The following ACVR1B variants were observed in gnomAD, a reference collection of about 807,000 sequenced individuals.
ACVR1B encodes activin receptor type-1B.
A neutral mutation model predicts 55.6 loss-of-function variants in ACVR1B; 15 were observed. The ratio of observed to expected loss-of-function variants is 0.27; its 90% confidence interval spans 0.18 to 0.42. The LOEUF (loss-of-function observed/expected upper bound fraction) is 0.42, where lower values mean the gene tolerates loss of function less well. Ranked by LOEUF, ACVR1B falls within the 10% of genes least tolerant of loss-of-function variation. The probability of loss-of-function intolerance (pLI) is 1.00; values close to 1 mark genes in which losing one functional copy is unlikely to be tolerated. For missense variants in ACVR1B, 359 were observed against 670.1 expected, an observed-to-expected ratio of 0.54 and a Z score of 5.13; for synonymous variants, 247 against 254.6, an observed-to-expected ratio of 0.97 and a Z score of 0.28.
Position 51,992,005 on chromosome 12 carries a change from G to C in ACVR1B, c.1392+12G>C, listed in dbSNP as rs753543689. 8.7e-6 allele frequency: 14 copies of C among 1,614,238 alleles called. No individual in the cohort carries two copies. The South Asian group carries it at 1.4e-4, about 16-fold the overall frequency. On this transcript the variant is annotated intron_variant, in intron 8 of 8. Transcript: ENST00000257963. Reference sequence around the variant, plus strand: ...GGCAGAGTTATGAGGTAAGAAGCTGGCCTCCTGCGGCTTTCCCATCAGCCT... The same window carrying C: ...GGCAGAGTTATGAGGTAAGAAGCTGCCCTCCTGCGGCTTTCCCATCAGCCT...
chr12:51,985,675 A>G (rs1351692882), intron 6 of ACVR1B, among the ~76,000 whole-genome samples: 2 of 152,170 alleles, frequency 1.3e-5, no homozygotes, highest in Non-Finnish European at 2.9e-5. Context: ...AAAGAGGGAA[A>G]ACACTGTCAT....
intron 1 of ACVR1B, among the ~76,000 whole-genome samples, chr12:51,958,369 A>T (rs2120442646): frequency 6.6e-6 from 1 of 152,268 alleles, no homozygotes; most frequent in South Asian, 2.1e-4. Flanking sequence ...TGATTTTGGG[A>T]TGAAACTGTT....
At chr12:51,982,863 G>A in intron 4 of ACVR1B, 1 of 1,422,928 alleles carries the variant, frequency 7.0e-7, no homozygotes, top group East Asian at 2.6e-5. Context: ...AATCTTATAT[G>A]TTTTAAAAGG....
chr12:51,979,007 C>T (rs1941924013), intron 3 of ACVR1B, among the ~76,000 whole-genome samples: 1 of 149,910 alleles, frequency 6.7e-6, no homozygotes, highest in Non-Finnish European at 1.5e-5. Flanking sequence ...CTACTAAATA[C>T]AAAAAATTAG....
chr12:51,971,034 C>T (rs1269748323), intron 1 of ACVR1B, among the ~76,000 whole-genome samples: 1 of 152,036 alleles, frequency 6.6e-6, no homozygotes, highest in Non-Finnish European at 1.5e-5. Flanking sequence ...GGGTCTGAGG[C>T]GGGATGTTAG....
At chr12:51,972,079 A>G (rs999213976) in intron 1 of ACVR1B, among the ~76,000 whole-genome samples, 1 of 152,110 alleles carries the variant, frequency 6.6e-6, no homozygotes, top group Non-Finnish European at 1.5e-5. Context: ...GGGGATTAAT[A>G]TTTATTGAAT....
chr12:51,983,831 C>T (rs1309476084), intron 4 of ACVR1B, among the ~76,000 whole-genome samples, 168 bp from the exon 5 acceptor site: 2 of 152,140 alleles, frequency 1.3e-5, no homozygotes, highest in South Asian at 2.1e-4. Context: ...AACTGGTAGA[C>T]CACTATAAAT....
At chr12:51,956,515 T>G (rs529484715) in intron 1 of ACVR1B, among the ~76,000 whole-genome samples, 1 of 152,244 alleles carries the variant, frequency 6.6e-6, no homozygotes, top group Non-Finnish European at 1.5e-5. Flanking sequence ...GTGAAGAAAA[T>G]AAAACAGGAT....
intron 2 of ACVR1B, 117 bp from the exon 3 acceptor site, chr12:51,976,210 C>T: frequency 8.1e-7 from 1 of 1,240,592 alleles, no homozygotes; most frequent in Non-Finnish European, 1.1e-6. Context: ...TCAAGGGAGC[C>T]TGAACACATC....
Position 51,985,283 on chromosome 12 carries a change from TG to T in ACVR1B, c.1072del (p.Val358SerfsTer35). ...MCAIADLGLA[V>X]RHDAVTDTID... ...GTGCCATAGCAGACCTGGGCCTGGC[TG>T]TCCGTCATGATGCAGTCACTGACAC... On this transcript the variant is annotated frameshift_variant, in exon 6 of 9. Transcript: ENST00000257963. LOFTEE classifies it high-confidence loss of function. 1 of 1,614,026 alleles carries T rather than the reference TG, an allele frequency of 6.2e-7. No individual in the cohort carries two copies. The highest frequency in any genetic ancestry group is 8.5e-7 in the Non-Finnish European group (1 of 1,179,976).
In ACVR1B at chr12:51,994,319, A is replaced by T; in HGVS notation, c.*209A>T. Reference sequence around the variant, plus strand: ...CCTTTTCTATTTACCTCCTAATGGCATGGAGACTCTGAGAGCGAATTGTGT... The same window carrying T: ...CCTTTTCTATTTACCTCCTAATGGCTTGGAGACTCTGAGAGCGAATTGTGT... On this transcript the variant is annotated 3_prime_UTR_variant, in exon 9 of 9. Transcript: ENST00000257963. This position sits in a 1 kb window ranked among gnomAD's most constrained non-coding sequence, Gnocchi z 4.2. The T allele has an allele frequency of 1.7e-6, 1 of 572,162 alleles. No individual in the cohort carries two copies. Among genetic ancestry groups the T allele is most frequent in the Non-Finnish European group, 3.0e-6 (1 of 331,112 alleles). The allele number at this position is 572,162 out of a possible 1,614,324, so 35.4% of individuals were successfully genotyped here. A position where few individuals can be genotyped will look rare whatever the true frequency, so the allele number is the denominator to read the frequency against.
intron 4 of ACVR1B, among the ~76,000 whole-genome samples, chr12:51,983,549 A>C (rs1219068418): frequency 6.6e-6 from 1 of 152,256 alleles, no homozygotes; most frequent in Non-Finnish European, 1.5e-5. Flanking sequence ...GCTGGGACAC[A>C]GGAGGCCCTC....
intron 1 of ACVR1B, among the ~76,000 whole-genome samples, chr12:51,966,354 A>G (rs190049520): frequency 1.3e-5 from 2 of 152,364 alleles, no homozygotes; most frequent in African/African-American, 4.8e-5. Context: ...TTGCAAGGAA[A>G]AATAACAGTG....
intron 6 of ACVR1B, among the ~76,000 whole-genome samples, chr12:51,986,488 G>A (rs1250143289): frequency 6.6e-6 from 1 of 152,192 alleles, no homozygotes; most frequent in African/African-American, 2.4e-5. Context: ...TCCAACTCCT[G>A]CCCTCAGGTG....
intron 1 of ACVR1B, among the ~76,000 whole-genome samples, chr12:51,969,062 G>A (rs953782499): frequency 6.6e-6 from 1 of 152,170 alleles, no homozygotes; most frequent in Non-Finnish European, 1.5e-5. Context: ...ATGTAAGCGT[G>A]AGTAAGCCTT....
At chr12:51,985,841 GAAGT>G (rs1205913961) in intron 6 of ACVR1B, among the ~76,000 whole-genome samples, 2 of 152,210 alleles carry the variant, frequency 1.3e-5, no homozygotes, top group African/African-American at 2.4e-5. Context: ...AGTGAGGTAA[GAAGT>G]AAGGAGCTGT....
chr12:51,976,673 T>C (rs1277713929), intron 3 of ACVR1B, 98 bp downstream of exon 3: 1 of 1,478,732 alleles, frequency 6.8e-7, no homozygotes, highest in Non-Finnish European at 9.2e-7. Context: ...CCTGCATTTG[T>C]TTCTACCAGC....
At chr12:51,990,312 CT>C (rs71092738) in intron 7 of ACVR1B, among the ~76,000 whole-genome samples, 3 of 89,584 alleles carry the variant, frequency 3.3e-5, no homozygotes, top group African/African-American at 4.5e-5. Flanking sequence ...AAATTTAGTG[CT>C]TTTTTTTTTT....
chr12:51,970,114 A>G (rs1333812709), intron 1 of ACVR1B, among the ~76,000 whole-genome samples: 2 of 152,166 alleles, frequency 1.3e-5, no homozygotes, highest in African/African-American at 4.8e-5. Flanking sequence ...AGCGCATTTG[A>G]TACGGGGAGG....
Sources: gnomAD v4.1 joint callset for allele counts (sites outside exome capture counted in the v4.1 genomes callset) on GRCh38, gnomAD v4.1.1 for gene constraint, Gnocchi (gnomAD v3.1) non-coding constraint, MANE v1.5 for transcripts, NCBI Gene and HGNC (gene_info 2026-07-23, HGNC 2026-07-21) for gene names.